Variants in KAZN observed in about 807,000 individuals in gnomAD.
KAZN encodes kazrin, periplakin interacting protein.
KAZN carries 40 observed loss-of-function variants against 87.4 expected under a neutral mutation model. That is an observed-to-expected ratio of 0.46 (90% CI 0.36 to 0.60). The LOEUF (loss-of-function observed/expected upper bound fraction) is 0.60. Ranked by LOEUF, KAZN falls within the 20% of genes least tolerant of loss-of-function variation. The pLI is 0.00. For missense variants in KAZN, 898 were observed against 1,073.9 expected (o/e 0.84, Z 2.29); for synonymous variants, 466 against 458.3 (o/e 1.02, Z -0.22).
chr1:14,410,693 G>A (rs907056053), intron 2 of KAZN, among the ~76,000 whole-genome samples: 13 of 152,206 alleles, frequency 8.5e-5, no homozygotes, highest in Admixed American at 7.9e-4. Context: ...AAGTAGGGGA[G>A]ATTTCATACA....
chr1:13,926,955 A>C (rs1205036260), intron 1 of KAZN, among the ~76,000 whole-genome samples: 4 of 152,220 alleles, frequency 2.6e-5, no homozygotes, highest in Non-Finnish European at 4.4e-5. Flanking sequence ...TATGTGTTTT[A>C]AATATGCATT....
chr1:14,388,400 CT>C (rs1662134322), intron 2 of KAZN, among the ~76,000 whole-genome samples: 1 of 152,172 alleles, frequency 6.6e-6, no homozygotes. Context: ...ATAGCCAAGG[CT>C]ATCCTAAACA....
chr1:14,863,182 C>T (rs1264350204), intron 1 of KAZN, among the ~76,000 whole-genome samples: 1 of 152,228 alleles, frequency 6.6e-6, no homozygotes, highest in Non-Finnish European at 1.5e-5. Flanking sequence ...GGGCTGTGTG[C>T]ACTGCTGTTC....
intron 1 of KAZN, among the ~76,000 whole-genome samples, chr1:14,872,938 A>ATAGATG (rs1652311834): frequency 2.4e-4 from 35 of 146,230 alleles, no homozygotes; most frequent in Non-Finnish European, 4.2e-4. Flanking sequence ...ATGGATGGAT[A>ATAGATG]GATGGATGGA....
chr1:14,153,809 G>C (rs1388143835), intron 1 of KAZN, among the ~76,000 whole-genome samples: 1 of 150,102 alleles, frequency 6.7e-6, no homozygotes, highest in Non-Finnish European at 1.5e-5. Context: ...AAATGAGTTT[G>C]CTGGACGTCT....
intron 2 of KAZN, among the ~76,000 whole-genome samples, chr1:15,002,084 G>A (rs1032067781): frequency 8.6e-5 from 13 of 151,880 alleles, no homozygotes; most frequent in African/African-American, 2.4e-4. Flanking sequence ...GTTTCACCGT[G>A]TTAGCCAGGA....
At chr1:15,037,850 C>G (rs575864754) in intron 3 of KAZN, among the ~76,000 whole-genome samples, 1 of 152,178 alleles carries the variant, frequency 6.6e-6, no homozygotes, top group African/African-American at 2.4e-5. Context: ...AGAAAGGAAC[C>G]CAGACAAGTC....
At chr1:14,577,143 T>C (rs193169751) in intron 2 of KAZN, among the ~76,000 whole-genome samples, 48 of 152,332 alleles carry the variant, frequency 3.2e-4, no homozygotes, top group African/African-American at 1.0e-3. Flanking sequence ...ATCCTACTGA[T>C]ATTGCTAACC....
intron 1 of KAZN, among the ~76,000 whole-genome samples, chr1:13,982,538 C>G (rs12029404): frequency 0.14 from 20,914 of 152,138 alleles, 1,578 homozygotes; most frequent in South Asian, 0.2. Context: ...GCATGGAAAG[C>G]GACCCGAGGT....
intron 2 of KAZN, among the ~76,000 whole-genome samples, chr1:14,457,744 G>C (rs1667641061): frequency 2.0e-5 from 3 of 151,968 alleles, no homozygotes; most frequent in Admixed American, 2.0e-4. Flanking sequence ...AGATCATATT[G>C]CATGTTCTTT....
At chr1:14,879,859 T>C (rs949589259) in intron 1 of KAZN, among the ~76,000 whole-genome samples, 4 of 152,192 alleles carry the variant, frequency 2.6e-5, no homozygotes, top group Non-Finnish European at 4.4e-5. Context: ...TGAGCTACCA[T>C]GTTAAGTACA....
chr1:14,641,777 C>A (rs539654022), intron 1 of KAZN, among the ~76,000 whole-genome samples: 1 of 152,198 alleles, frequency 6.6e-6, no homozygotes, highest in Non-Finnish European at 1.5e-5. Context: ...TTGGACACGA[C>A]ACCAAAAGCA....
At chr1:14,340,394 C>A (rs573615199) in intron 2 of KAZN, among the ~76,000 whole-genome samples, 1 of 152,312 alleles carries the variant, frequency 6.6e-6, no homozygotes, top group East Asian at 1.9e-4. Flanking sequence ...TTTCTTAAGT[C>A]ACTGGATGTC....
chr1:14,127,893 G>T (rs1644909495), intron 1 of KAZN, among the ~76,000 whole-genome samples: 1 of 152,168 alleles, frequency 6.6e-6, no homozygotes. Flanking sequence ...TTGAGGAAGT[G>T]TGGGAATGTT....
At chr1:13,937,022 A>G (rs1292010129) in intron 1 of KAZN, among the ~76,000 whole-genome samples, 3 of 145,324 alleles carry the variant, frequency 2.1e-5, no homozygotes, top group Non-Finnish European at 3.0e-5. Context: ...ATGTCCATTC[A>G]TGTTTTTTCC....
At chr1:14,365,569 A>G (rs1659927251) in intron 2 of KAZN, among the ~76,000 whole-genome samples, 1 of 152,168 alleles carries the variant, frequency 6.6e-6, no homozygotes, top group African/African-American at 2.4e-5. Flanking sequence ...AAGTTTTGCA[A>G]CCTCGGCACT....
intron 2 of KAZN, among the ~76,000 whole-genome samples, chr1:14,437,524 A>C (rs1387422099): frequency 6.6e-6 from 1 of 152,182 alleles, no homozygotes; most frequent in Non-Finnish European, 1.5e-5. Context: ...GAAACAATGC[A>C]TTGTAAAAAT....
chr1:14,233,343 C>T (rs1004306221), intron 2 of KAZN, among the ~76,000 whole-genome samples: 3 of 152,136 alleles, frequency 2.0e-5, no homozygotes. Flanking sequence ...CTATGTTCCC[C>T]AGGCTGTTCT....
intron 2 of KAZN, among the ~76,000 whole-genome samples, chr1:14,988,505 G>A (rs1209241464): frequency 2.0e-5 from 3 of 152,256 alleles, no homozygotes; most frequent in Admixed American, 6.5e-5. Flanking sequence ...GCTGCACTGA[G>A]GGTGATGGCG....
Sources: allele counts gnomAD v4.1 joint callset (sites outside exome capture counted in the v4.1 genomes callset), GRCh38; gene constraint gnomAD v4.1.1; transcripts MANE v1.5; gene names NCBI Gene and HGNC (gene_info 2026-07-23, HGNC 2026-07-21).